The following PDE3B variants were observed in gnomAD, a reference collection of about 807,000 sequenced individuals.
The protein encoded by PDE3B is cGMP-inhibited 3',5'-cyclic phosphodiesterase 3B.
In PDE3B, 66 loss-of-function variants were observed where a neutral mutation model predicts 116.8. The observed-to-expected ratio is 0.56, with a 90% CI of 0.46 to 0.69. The LOEUF is 0.69. Among genes scored for constraint, PDE3B ranks in the 30% least tolerant of loss-of-function variants. PDE3B has a pLI of 0.00. For synonymous variants in PDE3B, 595 were observed against 533.6 expected (o/e 1.12, Z -1.59); for missense variants, 1,384 against 1,368.1 (o/e 1.01, Z -0.18).
At chr11:14,855,554 A>G (rs73418666) in intron 12 of PDE3B, among the ~76,000 whole-genome samples, 19,690 of 152,098 alleles carry the variant, frequency 0.13, 1,414 homozygotes, top group African/African-American at 0.19. Context: ...AGGCATTGTT[A>G]TATTAAATAA....
At chr11:14,735,955 A>AG (rs1394591167) in intron 1 of PDE3B, among the ~76,000 whole-genome samples, 9 of 121,884 alleles carry the variant, frequency 7.4e-5, no homozygotes, top group African/African-American at 2.3e-4. Context: ...TGGGAATAAT[A>AG]GGTTGTGTGT....
chr11:14,739,830 C>T (rs967929188), intron 1 of PDE3B, among the ~76,000 whole-genome samples: 3 of 152,028 alleles, frequency 2.0e-5, no homozygotes, highest in East Asian at 1.9e-4. Context: ...TGAATTTTGT[C>T]GAAGGCCTTT....
chr11:14,811,622 G>A (rs1250411040), intron 5 of PDE3B, among the ~76,000 whole-genome samples: 3 of 152,006 alleles, frequency 2.0e-5, no homozygotes, highest in Non-Finnish European at 1.5e-5. Context: ...TTGGCGATGT[G>A]GGCTCTTTTT....
intron 1 of PDE3B, among the ~76,000 whole-genome samples, chr11:14,685,951 G>A (rs974838527): frequency 1.3e-5 from 2 of 152,166 alleles, no homozygotes; most frequent in African/African-American, 2.4e-5. Flanking sequence ...TATGCCACAG[G>A]TGGACAGGTA....
At chr11:14,805,911 T>C (rs1462821738) in intron 5 of PDE3B, among the ~76,000 whole-genome samples, 1 of 152,202 alleles carries the variant, frequency 6.6e-6, no homozygotes, top group East Asian at 1.9e-4. Flanking sequence ...TCCCTGGTCA[T>C]CAGAGAAATG....
At chr11:14,802,156 G>C (rs773946992) in intron 4 of PDE3B, among the ~76,000 whole-genome samples, 2 of 152,158 alleles carry the variant, frequency 1.3e-5, no homozygotes, top group Admixed American at 1.3e-4. Flanking sequence ...TGTCTTGCTG[G>C]CGTTCCAGGT....
At chr11:14,702,637 TATTAAA>T (rs922862856) in intron 1 of PDE3B, among the ~76,000 whole-genome samples, 2 of 151,824 alleles carry the variant, frequency 1.3e-5, no homozygotes, top group Non-Finnish European at 2.9e-5. Context: ...TACATATGGC[TATTAAA>T]ATTAAAATTA....
intron 1 of PDE3B, among the ~76,000 whole-genome samples, chr11:14,750,982 C>G (rs916896348): frequency 6.6e-6 from 1 of 152,124 alleles, no homozygotes; most frequent in South Asian, 2.1e-4. Context: ...GTTCCCTGTT[C>G]TACGTTTCTG....
chr11:14,679,110 T>C (rs1854619502), intron 1 of PDE3B, among the ~76,000 whole-genome samples: 1 of 152,224 alleles, frequency 6.6e-6, no homozygotes, highest in Non-Finnish European at 1.5e-5. Flanking sequence ...CATTGATCAA[T>C]GTGTCATTCC....
In PDE3B at chr11:14,859,255, T is replaced by C. The variant is rs113344545; in HGVS notation, c.2724+9T>C. The C allele has an allele frequency of 3.1e-4, 481 of 1,573,736 alleles. 1 individual carries two copies. In the African/African-American group the frequency reaches 5.5e-3, roughly 18 times the overall value. On this transcript the variant is annotated intron_variant, in intron 13 of 15. Transcript: ENST00000282096. ...CAGAATTCAATGCCAAGGTTTGTTA[T>C]GAAAATTAGTGCCTGATTTAAAAAA...
intron 2 of PDE3B, among the ~76,000 whole-genome samples, chr11:14,785,627 C>T (rs147896907): frequency 1.7e-4 from 26 of 152,072 alleles, no homozygotes; most frequent in East Asian, 1.2e-3. Context: ...TATGGGTAAT[C>T]GAGTTGAACA....
chr11:14,767,941 G>A (rs945607106), intron 1 of PDE3B, among the ~76,000 whole-genome samples: 7 of 149,458 alleles, frequency 4.7e-5, no homozygotes, highest in South Asian at 2.1e-4. Context: ...CTAATACTAC[G>A]GAGACACTTA....
chr11:14,789,631 A>G (rs1050783378), intron 4 of PDE3B, among the ~76,000 whole-genome samples: 4 of 152,046 alleles, frequency 2.6e-5, no homozygotes, highest in Admixed American at 2.0e-4. Context: ...TGAAAAGAGG[A>G]GCACGTTTCC....
intron 5 of PDE3B, among the ~76,000 whole-genome samples, chr11:14,809,011 C>T (rs776602140): frequency 5.3e-5 from 8 of 152,010 alleles, no homozygotes; most frequent in Non-Finnish European, 1.0e-4. Flanking sequence ...TGCTAAAATT[C>T]GTATAGAAAC....
At chr11:14,813,923 T>C (rs1475164901) in intron 5 of PDE3B, among the ~76,000 whole-genome samples, 2 of 152,190 alleles carry the variant, frequency 1.3e-5, no homozygotes, top group East Asian at 1.9e-4. Context: ...ATAATGTTCA[T>C]GTTGGGAAGT....
At chr11:14,736,590 T>C (rs561208951) in intron 1 of PDE3B, among the ~76,000 whole-genome samples, 2 of 152,332 alleles carry the variant, frequency 1.3e-5, no homozygotes, top group East Asian at 3.9e-4. Flanking sequence ...TGATTGATTG[T>C]TCATAAACAT....
At chr11:14,839,650 C>T (rs1170239718) in intron 11 of PDE3B, among the ~76,000 whole-genome samples, 1 of 152,136 alleles carries the variant, frequency 6.6e-6, no homozygotes, top group Non-Finnish European at 1.5e-5. Flanking sequence ...CACAAGAAGA[C>T]ATATATTTAC....
chr11:14,722,038 T>C (rs1856122168), intron 1 of PDE3B, among the ~76,000 whole-genome samples: 1 of 150,180 alleles, frequency 6.7e-6, no homozygotes, highest in South Asian at 2.1e-4. Context: ...TGGAAACCAG[T>C]CTCAGCAAAC....
chr11:14,722,244 G>A (rs938525808), intron 1 of PDE3B, among the ~76,000 whole-genome samples: 1 of 151,870 alleles, frequency 6.6e-6, no homozygotes, highest in African/African-American at 2.4e-5. Context: ...ACACCAACAT[G>A]GCACATGTAT....
Sources: gnomAD v4.1 joint callset for allele counts (sites outside exome capture counted in the v4.1 genomes callset) on GRCh38, gnomAD v4.1.1 for gene constraint, MANE v1.5 for transcripts, NCBI Gene and HGNC (gene_info 2026-07-23, HGNC 2026-07-21) for gene names.